SLC39A12: variants seen among roughly 807,000 people sequenced by gnomAD.
SLC39A12 encodes solute carrier family 39 member 12.
SLC39A12 carries 63 observed loss-of-function variants against 71.1 expected under a neutral mutation model. That is an observed-to-expected ratio of 0.89 (90% CI 0.72 to 1.09). The LOEUF (loss-of-function observed/expected upper bound fraction) is 1.09. Ranked by LOEUF, SLC39A12 falls within the 50% of genes least tolerant of loss-of-function variation. The probability of loss-of-function intolerance (pLI) is 0.00; values close to 1 mark genes in which losing one functional copy is unlikely to be tolerated. For missense variants in SLC39A12, 892 were observed against 812.6 expected (o/e 1.10, Z -1.19); for synonymous variants, 351 against 301.3 (o/e 1.16, Z -1.71).
At chr10:17,987,373 C>G in intron 6 of SLC39A12, 106 bp from the exon 7 acceptor site, 1 of 929,352 alleles carries the variant, frequency 1.1e-6, no homozygotes, top group South Asian at 1.6e-5. Flanking sequence ...AATCCATATC[C>G]CTACTGGCTG....
rs940700824 is a variant in SLC39A12 at position 18,021,661 on chromosome 10, C to T, written c.1947+18303C>T. 2.6e-5 allele frequency among the ~76,000 whole-genome samples: 4 copies of T among 152,084 alleles called. No homozygotes were observed. In the South Asian group the frequency reaches 8.3e-4, roughly 31 times the overall value. ...ATATGTATGGATTTGATCATGTCAT[C>T]ATGTTGTTAGCTGGTTGCTATGTAG... On this transcript the variant is annotated intron_variant, in intron 12 of 12. Transcript: ENST00000377369.
intron 2 of SLC39A12, among the ~76,000 whole-genome samples, chr10:17,955,228 T>C (rs1453656474): frequency 6.6e-6 from 1 of 152,162 alleles, no homozygotes; most frequent in Non-Finnish European, 1.5e-5. Context: ...GCACTTACTG[T>C]TTTCTGTGAC....
At position 17,965,591 on chromosome 10, in the gene SLC39A12, C is replaced by G. The variant is rs1348698057; in HGVS notation, c.652C>G (p.Gln218Glu). ...LAAMIITLSL[Q>E]GVCLGQGNLP... ...AGCCATGATCATTACTTTGTCCCTC[C>G]AGGGTGTTTGTCTGGGACAAGGAAA... Residue 218 changes from glutamine to glutamate, a missense_variant, in exon 4 of 13, where the codon CAG becomes GAG. Coordinates refer to ENST00000377369, the MANE Select transcript of SLC39A12 (RefSeq NM_001145195.2). 19 of 1,614,126 alleles carry G rather than the reference C, an allele frequency of 1.2e-5. No individual in the cohort carries two copies. The highest frequency in any genetic ancestry group is 1.6e-5 in the Non-Finnish European group (19 of 1,179,996).
In SLC39A12 at chr10:18,036,761, TA is replaced by T. The variant is rs1564665807; in HGVS notation, c.1948-5943del. 5.8e-3 allele frequency among the ~76,000 whole-genome samples: 42 copies of T among 7,256 alleles called. 1 individual carries two copies. Among genetic ancestry groups the T allele is most frequent in the African/African-American group, 0.019 (32 of 1,672 alleles). 4.8% of individuals were successfully genotyped at this position (7,256 alleles called of 152,430 possible). A position where few individuals can be genotyped will look rare whatever the true frequency, so the allele number is the denominator to read the frequency against. On this transcript the variant is annotated intron_variant, in intron 12 of 12. Transcript: ENST00000377369. ...ATTTTAAAAATTATATATATATATA[TA>T]TATATATATATATATATATATATAT... is the stretch of plus-strand genomic sequence containing the variant.
chr10:18,009,393 GC>G (rs1160182477), intron 12 of SLC39A12, among the ~76,000 whole-genome samples: 2 of 152,102 alleles, frequency 1.3e-5, no homozygotes, highest in Non-Finnish European at 1.5e-5. Context: ...TAGCCCAGGT[GC>G]CCCCTCCAGG....
intron 10 of SLC39A12, among the ~76,000 whole-genome samples, chr10:18,000,222 C>T (rs1282584508): frequency 6.6e-6 from 1 of 152,194 alleles, no homozygotes; most frequent in Non-Finnish European, 1.5e-5. Flanking sequence ...GGCCCTACCT[C>T]CTCATACCAC....
intron 2 of SLC39A12, among the ~76,000 whole-genome samples, chr10:17,960,327 G>C (rs184505517): frequency 6.6e-6 from 1 of 152,270 alleles, no homozygotes; most frequent in East Asian, 1.9e-4. Context: ...CCTGCTTTTA[G>C]ATAGTAAGGC....
intron 12 of SLC39A12, among the ~76,000 whole-genome samples, chr10:18,033,379 G>A (rs1264333526): frequency 6.7e-6 from 1 of 149,306 alleles, no homozygotes; most frequent in East Asian, 2.0e-4. Context: ...TTAGTCTTGG[G>A]AGGGTGTATG....
At chr10:17,993,317 A>T in intron 9 of SLC39A12, 26 bp downstream of exon 9, 3 of 1,380,712 alleles carry the variant, frequency 2.2e-6, no homozygotes, top group Non-Finnish European at 3.0e-6. Flanking sequence ...GAAGCATTCT[A>T]CTGATCTGAT....
chr10:17,971,637 T>C (rs968599677), intron 4 of SLC39A12, among the ~76,000 whole-genome samples: 3 of 152,188 alleles, frequency 2.0e-5, no homozygotes, highest in Non-Finnish European at 4.4e-5. Flanking sequence ...TTACTCATAG[T>C]AGCCATTAAT....
chr10:18,019,982 ATT>A lies in SLC39A12; in HGVS notation c.1947+16630_1947+16631del, dbSNP rs923145295. Among the ~76,000 whole-genome samples the A allele has an allele frequency of 2.6e-5, 4 of 151,882 alleles. No homozygotes were observed. The East Asian group carries it at 7.7e-4, about 29-fold the overall frequency. Reference sequence around the variant, plus strand: ...GATTTTCTGCCTGCTAGATCTGTTCATTTTTTTATCTTCCAATTTTTTTTTAG... The same window carrying A: ...GATTTTCTGCCTGCTAGATCTGTTCATTTTTATCTTCCAATTTTTTTTTAG... On this transcript the variant is annotated intron_variant, in intron 12 of 12. Transcript: ENST00000377369.
At chr10:18,040,189 C>T (rs529468777) in intron 12 of SLC39A12, among the ~76,000 whole-genome samples, 1 of 152,222 alleles carries the variant, frequency 6.6e-6, no homozygotes, top group East Asian at 1.9e-4. Context: ...CATAGATTTT[C>T]CAAAATGGCA....
chr10:18,041,353 G>C (rs539230702), intron 12 of SLC39A12, among the ~76,000 whole-genome samples: 1 of 151,474 alleles, frequency 6.6e-6, no homozygotes, highest in Non-Finnish European at 1.5e-5. Context: ...AAAATTAGCC[G>C]AGTGTGGCAG....
intron 11 of SLC39A12, 130 bp downstream of exon 11, chr10:18,000,955 T>C: frequency 1.1e-6 from 1 of 933,718 alleles, no homozygotes. Context: ...TATAATTTAT[T>C]TAAACCATAA....
At chr10:17,969,395 A>G (rs1295304561) in intron 4 of SLC39A12, among the ~76,000 whole-genome samples, 1 of 152,162 alleles carries the variant, frequency 6.6e-6, no homozygotes, top group Non-Finnish European at 1.5e-5. Flanking sequence ...ATACTAACTT[A>G]CATTCCCACC....
intron 6 of SLC39A12, among the ~76,000 whole-genome samples, chr10:17,984,819 TAGA>T (rs1050517074): frequency 1.3e-5 from 2 of 152,218 alleles, no homozygotes; most frequent in African/African-American, 4.8e-5. Flanking sequence ...TCTATACCCA[TAGA>T]AGAACAACTC....
At chr10:18,041,802 TATACATATGTATACGTATATGTATGTAC>T (rs1192936522) in intron 12 of SLC39A12, among the ~76,000 whole-genome samples, 64 of 143,924 alleles carry the variant, frequency 4.4e-4, no homozygotes, top group African/African-American at 1.5e-3. Flanking sequence ...TCTATATGTA[TATACATATGTATACGTATATGTATGTAC>T]ATACATATGT....
chr10:18,008,294 T>C (rs1385675147), intron 12 of SLC39A12, among the ~76,000 whole-genome samples: 2 of 152,136 alleles, frequency 1.3e-5, no homozygotes, highest in African/African-American at 4.8e-5. Flanking sequence ...GTGAACCTTA[T>C]TGTGAACTGC....
At chr10:17,972,483 C>G (rs904261316) in intron 4 of SLC39A12, among the ~76,000 whole-genome samples, 1 of 152,122 alleles carries the variant, frequency 6.6e-6, no homozygotes, top group East Asian at 1.9e-4. Context: ...CTCTGTAGCT[C>G]TAACAATATT....
Sources: gnomAD v4.1 joint callset for allele counts (sites outside exome capture counted in the v4.1 genomes callset) on GRCh38, gnomAD v4.1.1 for gene constraint, MANE v1.5 for transcripts, NCBI Gene and HGNC (gene_info 2026-07-23, HGNC 2026-07-21) for gene names.